FMNL2: variants seen among roughly 807,000 people sequenced by gnomAD.
The protein encoded by FMNL2 is formin-like protein 2.
A neutral mutation model predicts 130.2 loss-of-function variants in FMNL2; 51 were observed. The observed-to-expected ratio is 0.39, with a 90% CI of 0.31 to 0.49. The LOEUF (loss-of-function observed/expected upper bound fraction) is 0.49. Ranked by LOEUF, FMNL2 falls within the 20% of genes least tolerant of loss-of-function variation. FMNL2 has a pLI of 0.85. For synonymous variants in FMNL2, 465 were observed against 467.1 expected (o/e 1.00, Z 0.06); for missense variants, 977 against 1,316.2 (o/e 0.74, Z 3.99).
intron 1 of FMNL2, among the ~76,000 whole-genome samples, chr2:152,492,897 T>A (rs1466642973): frequency 6.6e-6 from 1 of 152,208 alleles, no homozygotes; most frequent in Non-Finnish European, 1.5e-5. Context: ...TTCTTCTATG[T>A]CACCTTGTTA....
chr2:152,383,510 TG>T (rs1684607193), intron 1 of FMNL2, among the ~76,000 whole-genome samples: 2 of 151,988 alleles, frequency 1.3e-5, no homozygotes, highest in African/African-American at 4.8e-5. Context: ...TGAGATGGGA[TG>T]ATAGTTTGAA....
intron 6 of FMNL2, among the ~76,000 whole-genome samples, chr2:152,572,383 G>A (rs1004243343): frequency 4.6e-5 from 7 of 152,118 alleles, no homozygotes; most frequent in African/African-American, 7.2e-5. Flanking sequence ...AGCACCAGAG[G>A]CCATTTCCTC....
rs150819896 is a variant in FMNL2 at position 152,389,706 on chromosome 2, C to T, written c.117+53986C>T. On this transcript the variant is annotated intron_variant, in intron 1 of 25. Coordinates refer to ENST00000288670, the MANE Select transcript of FMNL2 (RefSeq NM_052905.4). ...GCGGAGAGCAGGAGGAGGAGCGGTT[C>T]GATGGCATGTTGCTGGCCATGGCTC... Among the ~76,000 whole-genome samples the T allele has an allele frequency of 9.2e-3, 1,397 of 152,286 alleles. 21 individuals are homozygous for T. The highest frequency in any genetic ancestry group is 0.032 in the African/African-American group (1,340 of 41,568).
At chr2:152,423,238 G>T (rs1376774135) in intron 1 of FMNL2, among the ~76,000 whole-genome samples, 1 of 152,140 alleles carries the variant, frequency 6.6e-6, no homozygotes, top group Non-Finnish European at 1.5e-5. Flanking sequence ...CCATATGTCA[G>T]GCACTGTTCT....
At position 152,629,643 on chromosome 2, in the gene FMNL2, G is replaced by C. The variant is rs190745314; in HGVS notation, c.2401-13G>C. On this transcript the variant is annotated splice_polypyrimidine_tract_variant and intron_variant, in intron 18 of 25. Coordinates refer to ENST00000288670, the MANE Select transcript of FMNL2 (RefSeq NM_052905.4). Reference sequence around the variant, plus strand: ...TCTTTTTTCCCCTTTTTCTTTCTTTGATTGGAATCTAGCAACTACATGCGA... The same window carrying C: ...TCTTTTTTCCCCTTTTTCTTTCTTTCATTGGAATCTAGCAACTACATGCGA... 1,340 of 1,581,276 alleles carry C rather than the reference G, an allele frequency of 8.5e-4. 9 individuals are homozygous for C. In the African/African-American group the frequency reaches 0.015, roughly 18 times the overall value.
intron 1 of FMNL2, among the ~76,000 whole-genome samples, chr2:152,365,331 G>A (rs1683453752): frequency 6.6e-6 from 1 of 152,146 alleles, no homozygotes; most frequent in Non-Finnish European, 1.5e-5. Flanking sequence ...GGTGTGTTTT[G>A]AAAGACTGCA....
intron 1 of FMNL2, among the ~76,000 whole-genome samples, chr2:152,418,537 A>G (rs763647253): frequency 7.9e-5 from 12 of 152,142 alleles, no homozygotes; most frequent in Non-Finnish European, 1.6e-4. Context: ...GTAACTCATA[A>G]GTGGAATCAG....
chr2:152,473,125 A>G (rs1023017279), intron 1 of FMNL2, among the ~76,000 whole-genome samples: 1 of 152,240 alleles, frequency 6.6e-6, no homozygotes, highest in Non-Finnish European at 1.5e-5. Flanking sequence ...GAAAAGAAAT[A>G]CAGTAATAGA....
chr2:152,517,632 A>G (rs573420710), intron 1 of FMNL2, among the ~76,000 whole-genome samples: 1 of 152,342 alleles, frequency 6.6e-6, no homozygotes, highest in South Asian at 2.1e-4. Flanking sequence ...GAGAGTGGAA[A>G]GAAAGGAACA....
chr2:152,636,676 G>T, intron 22 of FMNL2, 86 bp downstream of exon 22: 4 of 1,428,176 alleles, frequency 2.8e-6, no homozygotes, highest in Non-Finnish European at 3.7e-6. Flanking sequence ...GGGGAGAAAT[G>T]TTCCATTTCC....
chr2:152,561,179 T>G, intron 6 of FMNL2, 144 bp downstream of exon 6: 1 of 860,742 alleles, frequency 1.2e-6, no homozygotes, highest in Admixed American at 3.0e-5. Flanking sequence ...AATGTTTCTT[T>G]AGGAGTTCAT....
At position 152,647,967 on chromosome 2, in the gene FMNL2, A is replaced by C; in HGVS notation, c.*62A>C. On this transcript the variant is annotated 3_prime_UTR_variant, in exon 26 of 26. Coordinates refer to ENST00000288670, the MANE Select transcript of FMNL2 (RefSeq NM_052905.4). ...GAATGAAACTGCCCACATGAACTTTATGTGCTACGATTTAACTGCAGCCTT... is the reference window on the plus strand; with the variant it reads ...GAATGAAACTGCCCACATGAACTTTCTGTGCTACGATTTAACTGCAGCCTT... 1.5e-6 allele frequency: 2 copies of C among 1,334,034 alleles called. No individual in the cohort carries two copies. The highest frequency in any genetic ancestry group is 2.1e-6 in the Non-Finnish European group (2 of 961,530). The allele number at this position is 1,334,034 out of a possible 1,614,324, so 82.6% of individuals were successfully genotyped here.
intron 1 of FMNL2, among the ~76,000 whole-genome samples, chr2:152,450,917 G>T (rs1688604200): frequency 6.6e-6 from 1 of 152,198 alleles, no homozygotes; most frequent in Non-Finnish European, 1.5e-5. Flanking sequence ...GATTTTGAAG[G>T]TTCTTCTGGG....
At chr2:152,444,052 G>A (rs1251540792) in intron 1 of FMNL2, among the ~76,000 whole-genome samples, 1 of 152,136 alleles carries the variant, frequency 6.6e-6, no homozygotes, top group African/African-American at 2.4e-5. Context: ...TTCTTCCAGT[G>A]GCTTGGAAGA....
At position 152,390,018 on chromosome 2, in the gene FMNL2, G is replaced by A. The variant is rs544042231; in HGVS notation, c.117+54298G>A. ...GCAGCTAGAGATTGACCAGAAAAAG[G>A]ATGCAGAGAATCATGAGGCCCAGCT... On this transcript the variant is annotated intron_variant, in intron 1 of 25. Coordinates refer to ENST00000288670, the MANE Select transcript of FMNL2 (RefSeq NM_052905.4). The A allele has an allele frequency of 8.4e-5, 133 of 1,581,984 alleles. 1 individual carries two copies. The South Asian group carries it at 9.9e-4, about 12-fold the overall frequency.
chr2:152,375,953 A>G (rs1684146772), intron 1 of FMNL2, among the ~76,000 whole-genome samples: 1 of 149,534 alleles, frequency 6.7e-6, no homozygotes, highest in Non-Finnish European at 1.5e-5. Context: ...TAGTGCAGTG[A>G]TGTGATCTCT....
At chr2:152,594,547 G>A (rs1580052227) in intron 9 of FMNL2, among the ~76,000 whole-genome samples, 1 of 152,082 alleles carries the variant, frequency 6.6e-6, no homozygotes, top group Non-Finnish European at 1.5e-5. Context: ...TAAGGACGTC[G>A]CTGTTTCCCT....
intron 25 of FMNL2, 24 bp from the exon 26 acceptor site, chr2:152,647,772 T>C: frequency 6.2e-7 from 1 of 1,609,714 alleles, no homozygotes; most frequent in Non-Finnish European, 8.5e-7. Context: ...TGCTATTCTC[T>C]CACTGGCACT....
At chr2:152,605,846 A>G (rs1698332484) in intron 9 of FMNL2, among the ~76,000 whole-genome samples, 2 of 152,150 alleles carry the variant, frequency 1.3e-5, no homozygotes, top group South Asian at 4.1e-4. Context: ...TGGTTTAGAG[A>G]TGGCCACCAC....
Sources: gnomAD v4.1 joint callset for allele counts (sites outside exome capture counted in the v4.1 genomes callset) on GRCh38, gnomAD v4.1.1 for gene constraint, MANE v1.5 for transcripts, NCBI Gene and HGNC (gene_info 2026-07-23, HGNC 2026-07-21) for gene names.